The following NELL1 variants were observed in gnomAD, a reference collection of about 807,000 sequenced individuals.
NELL1 encodes the protein protein kinase C-binding protein NELL1.
In NELL1, 76 loss-of-function variants were observed where a neutral mutation model predicts 107.4. The ratio of observed to expected loss-of-function variants is 0.71; its 90% CI spans 0.59 to 0.86. The LOEUF (loss-of-function observed/expected upper bound fraction) is 0.86. NELL1 is among the 40% of genes least tolerant of loss of function. The pLI is 0.00. For missense variants in NELL1, 1,024 were observed against 1,005.5 expected (o/e 1.02, Z -0.25); for synonymous variants, 353 against 341.2 (o/e 1.03, Z -0.38).
At chr11:20,704,700 G>A (rs1334437655) in intron 2 of NELL1, among the ~76,000 whole-genome samples, 1 of 152,058 alleles carries the variant, frequency 6.6e-6, no homozygotes, top group African/African-American at 2.4e-5. Context: ...GTCAGGCCTG[G>A]TGGTGACAAA....
intron 13 of NELL1, among the ~76,000 whole-genome samples, chr11:21,174,233 C>T (rs1856665607): frequency 1.3e-5 from 2 of 151,786 alleles, no homozygotes; most frequent in South Asian, 2.1e-4. Context: ...ATACAAGTAA[C>T]TGATTCTGTC....
In NELL1 at chr11:21,072,859, C is replaced by A. The variant is rs117185388; in HGVS notation, c.1301-40730C>A. On this transcript the variant is annotated intron_variant, in intron 12 of 19. Transcript: ENST00000357134. ...GATTATTCAGAATATGTGCCATTAG[C>A]CATATGTGTACATTTTAGTCAGCAA... 1.4e-3 allele frequency among the ~76,000 whole-genome samples: 216 copies of A among 152,248 alleles called. 1 individual carries two copies. In the East Asian group the frequency reaches 0.015, roughly 10 times the overall value.
At chr11:21,411,688 A>G (rs1852379495) in intron 15 of NELL1, among the ~76,000 whole-genome samples, 1 of 152,100 alleles carries the variant, frequency 6.6e-6, no homozygotes, top group Non-Finnish European at 1.5e-5. Flanking sequence ...AAGCATATCT[A>G]CAATGGACAA....
intron 7 of NELL1, among the ~76,000 whole-genome samples, chr11:20,923,405 G>A (rs915674369): frequency 1.3e-5 from 2 of 152,168 alleles, no homozygotes; most frequent in African/African-American, 4.8e-5. Context: ...TGGCATTTTG[G>A]CAAAACTATA....
intron 14 of NELL1, among the ~76,000 whole-genome samples, chr11:21,362,310 G>A (rs1393165761): frequency 6.6e-6 from 1 of 152,170 alleles, no homozygotes; most frequent in African/African-American, 2.4e-5. Flanking sequence ...CAGGCTGGTG[G>A]TAGAGGGGGT....
chr11:20,728,263 T>C (rs1252749263), intron 2 of NELL1, among the ~76,000 whole-genome samples: 1 of 152,200 alleles, frequency 6.6e-6, no homozygotes, highest in Admixed American at 6.5e-5. Context: ...AATTGTCTGT[T>C]TACTCTGTTG....
intron 12 of NELL1, among the ~76,000 whole-genome samples, chr11:20,972,388 G>A (rs890164863): frequency 3.3e-5 from 5 of 152,058 alleles, no homozygotes; most frequent in African/African-American, 1.2e-4. Flanking sequence ...GCTAATTCTT[G>A]GAGTTAGCAG....
At chr11:20,956,335 A>T (rs992603543) in intron 11 of NELL1, among the ~76,000 whole-genome samples, 2 of 152,204 alleles carry the variant, frequency 1.3e-5, no homozygotes, top group East Asian at 3.9e-4. Flanking sequence ...TAGGGCCCTG[A>T]GGAACACAGT....
intron 14 of NELL1, among the ~76,000 whole-genome samples, chr11:21,259,538 A>G (rs898365114): frequency 1.6e-4 from 24 of 151,920 alleles, no homozygotes; most frequent in African/African-American, 5.6e-4. Flanking sequence ...AGATGAAAAG[A>G]GTTCCAAGAA....
intron 15 of NELL1, among the ~76,000 whole-genome samples, chr11:21,501,945 A>G (rs1855155350): frequency 6.6e-6 from 1 of 152,174 alleles, no homozygotes; most frequent in African/African-American, 2.4e-5. Flanking sequence ...CCCTGGCCAA[A>G]GCTCATCTAT....
At position 20,848,878 on chromosome 11, in the gene NELL1, C is replaced by G. The variant is rs150069344; in HGVS notation, c.506+1125C>G. ...TTGCCATCTTGAGGTGAGTCTTGGT[C>G]CATTTTGATATGACCTATTTAAGGT... On this transcript the variant is annotated intron_variant, in intron 4 of 19. Transcript: ENST00000357134. Among the ~76,000 whole-genome samples the G allele has an allele frequency of 1.7e-3, 256 of 152,238 alleles. 3 individuals carry two copies. Among genetic ancestry groups the G allele is most frequent in the Middle Eastern group, 6.8e-3 (2 of 294 alleles).
chr11:21,315,846 C>G (rs1403912558), intron 14 of NELL1, among the ~76,000 whole-genome samples: 1 of 138,736 alleles, frequency 7.2e-6, no homozygotes, highest in Non-Finnish European at 1.5e-5. Flanking sequence ...AAAGGAATGA[C>G]TTTATTTGAA....
rs575930380 is a variant in NELL1 at position 21,330,509 on chromosome 11, A to G, written c.1550-40344A>G. 1.1e-4 allele frequency among the ~76,000 whole-genome samples: 16 copies of G among 152,018 alleles called. No individual in the cohort carries two copies. The South Asian group carries it at 3.1e-3, about 30-fold the overall frequency. ...TTTTTCTGGGAATGAGAAATTTGTTAGTTTTATTCTTTCAGCACTTTGAAT... is the reference window on the plus strand; with the variant it reads ...TTTTTCTGGGAATGAGAAATTTGTTGGTTTTATTCTTTCAGCACTTTGAAT... On this transcript the variant is annotated intron_variant, in intron 14 of 19. Transcript: ENST00000357134.
intron 15 of NELL1, among the ~76,000 whole-genome samples, chr11:21,524,383 A>G (rs1855799265): frequency 6.6e-6 from 1 of 152,184 alleles, no homozygotes; most frequent in South Asian, 2.1e-4. Context: ...TATTTAATAG[A>G]GAAACTGTAA....
At chr11:20,899,906 A>G (rs1250275288) in intron 5 of NELL1, among the ~76,000 whole-genome samples, 3 of 152,302 alleles carry the variant, frequency 2.0e-5, no homozygotes, top group Middle Eastern at 3.4e-3. Flanking sequence ...TCAAATAACT[A>G]TGGTAGTCTT....
intron 13 of NELL1, among the ~76,000 whole-genome samples, chr11:21,138,016 GCT>G (rs1463403986): frequency 6.6e-6 from 1 of 152,120 alleles, no homozygotes; most frequent in East Asian, 1.9e-4. Flanking sequence ...ACACTTTATT[GCT>G]CTCTCACATT....
intron 12 of NELL1, among the ~76,000 whole-genome samples, chr11:20,967,438 T>C (rs1014438349): frequency 5.9e-5 from 9 of 152,158 alleles, no homozygotes; most frequent in African/African-American, 2.2e-4. Flanking sequence ...TGAAGTATTG[T>C]ACTACAAAGA....
At chr11:21,363,560 C>A (rs1203674391) in intron 14 of NELL1, among the ~76,000 whole-genome samples, 1 of 152,138 alleles carries the variant, frequency 6.6e-6, no homozygotes, top group African/African-American at 2.4e-5. Context: ...TGTGAGTCTC[C>A]AAATGCTGTT....
chr11:21,313,581 A>G (rs1215366781), intron 14 of NELL1, among the ~76,000 whole-genome samples: 1 of 152,132 alleles, frequency 6.6e-6, no homozygotes, highest in Non-Finnish European at 1.5e-5. Flanking sequence ...TAGGTAGTTT[A>G]TAAAGGAAAC....
Sources: gnomAD v4.1 joint callset for allele counts (sites outside exome capture counted in the v4.1 genomes callset) on GRCh38, gnomAD v4.1.1 for gene constraint, MANE v1.5 for transcripts, NCBI Gene and HGNC (gene_info 2026-07-23, HGNC 2026-07-21) for gene names.